CLNK: variants seen among roughly 807,000 people sequenced by gnomAD.
The protein encoded by CLNK is cytokine dependent hematopoietic cell linker.
CLNK carries 74 observed loss-of-function variants against 68.6 expected under a neutral mutation model. The ratio of observed to expected loss-of-function variants is 1.08; its 90% CI spans 0.89 to 1.31. CLNK has a LOEUF of 1.31. Among genes scored for constraint, CLNK ranks in the 50% most tolerant of loss-of-function variants. The probability of loss-of-function intolerance (pLI) is 0.00; values close to 1 mark genes in which losing one functional copy is unlikely to be tolerated. For synonymous variants in CLNK, 198 were observed against 172.2 expected, an observed-to-expected ratio of 1.15 and a Z score of -1.17; for missense variants, 553 against 515.3, an observed-to-expected ratio of 1.07 and a Z score of -0.71.
At chr4:10,543,740 G>A (rs1201302185) in intron 8 of CLNK, among the ~76,000 whole-genome samples, 1 of 152,156 alleles carries the variant, frequency 6.6e-6, no homozygotes, top group Non-Finnish European at 1.5e-5. Flanking sequence ...CAAAGAATAA[G>A]AATAAAATTA....
chr4:10,679,143 G>A (rs967531649), intron 1 of CLNK, among the ~76,000 whole-genome samples: 1 of 152,158 alleles, frequency 6.6e-6, no homozygotes, highest in African/African-American at 2.4e-5. Context: ...AACCAAAACA[G>A]CATGGTACTG....
At chr4:10,582,663 C>G (rs1720825435) in intron 4 of CLNK, among the ~76,000 whole-genome samples, 1 of 151,978 alleles carries the variant, frequency 6.6e-6, no homozygotes, top group Non-Finnish European at 1.5e-5. Context: ...ATGTGTCTGT[C>G]TTCTCCAGGC....
intron 2 of CLNK, among the ~76,000 whole-genome samples, chr4:10,606,838 C>A (rs1057451109): frequency 1.3e-5 from 2 of 152,118 alleles, no homozygotes; most frequent in African/African-American, 2.4e-5. Flanking sequence ...AGAGCTCTGA[C>A]TAATACACAT....
the CLNK span, among the ~76,000 whole-genome samples, chr4:10,696,030 A>G: frequency 2.4e-3 from 369 of 151,912 alleles, 1 homozygote; most frequent in Non-Finnish European, 4.2e-3. Context: ...AAATTTTTGT[A>G]TTTTTAGTAG....
chr4:10,643,834 T>C (rs895491176), intron 2 of CLNK, among the ~76,000 whole-genome samples: 2 of 152,246 alleles, frequency 1.3e-5, no homozygotes, highest in African/African-American at 4.8e-5. Context: ...CTTATGTTCC[T>C]CAATTATTTT....
chr4:10,592,180 C>A (rs1272049842), intron 3 of CLNK, among the ~76,000 whole-genome samples: 1 of 152,138 alleles, frequency 6.6e-6, no homozygotes, highest in African/African-American at 2.4e-5. Flanking sequence ...ATTGTAAAAC[C>A]TTACTTGAGT....
intron 3 of CLNK, among the ~76,000 whole-genome samples, chr4:10,592,459 T>A (rs1721215322): frequency 6.6e-6 from 1 of 151,780 alleles, no homozygotes; most frequent in Non-Finnish European, 1.5e-5. Flanking sequence ...CTCCCCCACT[T>A]CCCCACTTGG....
intron 2 of CLNK, among the ~76,000 whole-genome samples, chr4:10,600,133 C>A (rs1212573811): frequency 6.6e-6 from 1 of 152,142 alleles, no homozygotes; most frequent in Non-Finnish European, 1.5e-5. Flanking sequence ...ACACTGTGGC[C>A]TCTGGGCCCG....
At chr4:10,571,871 T>C (rs1165410055) in intron 4 of CLNK, 93 bp from the exon 5 acceptor site, 2 of 994,866 alleles carry the variant, frequency 2.0e-6, no homozygotes, top group African/African-American at 1.6e-5. Context: ...CAGAAATCTT[T>C]TGTCAGTTTT....
At chr4:10,651,629 AG>A (rs1295391938) in intron 2 of CLNK, among the ~76,000 whole-genome samples, 1 of 152,206 alleles carries the variant, frequency 6.6e-6, no homozygotes, top group African/African-American at 2.4e-5. Context: ...ATATGACCAA[AG>A]ACAAAGAGTA....
At chr4:10,626,079 G>A (rs1722659204) in intron 2 of CLNK, among the ~76,000 whole-genome samples, 1 of 152,240 alleles carries the variant, frequency 6.6e-6, no homozygotes. Flanking sequence ...GGTTGGGGGT[G>A]GTGCTGGCTT....
At position 10,651,059 on chromosome 4, in the gene CLNK, G is replaced by C. The variant is rs182831550; in HGVS notation, c.11+16800C>G. 1.6e-4 allele frequency among the ~76,000 whole-genome samples: 24 copies of C among 152,312 alleles called. No individual in the cohort carries two copies. The East Asian group carries it at 4.4e-3, about 28-fold the overall frequency. ...AAAAAGTCAGGAAAGAACAGATGCT[G>C]AAGAGGATGTGGAGAAATAGGGACG... On this transcript the variant is annotated intron_variant, in intron 2 of 18. Transcript: ENST00000226951.
chr4:10,662,119 C>T (rs1002571989), intron 2 of CLNK, among the ~76,000 whole-genome samples: 5 of 152,106 alleles, frequency 3.3e-5, no homozygotes, highest in Non-Finnish European at 7.4e-5. Flanking sequence ...GGTAGAGTTA[C>T]ATAATGTATG....
At chr4:10,569,702 G>A (rs543110598) in intron 5 of CLNK, among the ~76,000 whole-genome samples, 25 of 152,142 alleles carry the variant, frequency 1.6e-4, no homozygotes, top group Non-Finnish European at 3.4e-4. Flanking sequence ...GTGCTCCTCC[G>A]CATTAAAATC....
chr4:10,661,940 G>A (rs1207117376), intron 2 of CLNK, among the ~76,000 whole-genome samples: 3 of 152,028 alleles, frequency 2.0e-5, no homozygotes, highest in East Asian at 3.8e-4. Context: ...ATACCTCTAC[G>A]AATCTCTCCA....
intron 16 of CLNK, among the ~76,000 whole-genome samples, chr4:10,512,605 A>C (rs1401776865): frequency 1.3e-5 from 2 of 152,098 alleles, no homozygotes; most frequent in East Asian, 1.9e-4. Context: ...AATTAATATG[A>C]ATATAAGGAT....
At chr4:10,576,965 A>AG (rs1720591719) in intron 4 of CLNK, among the ~76,000 whole-genome samples, 1 of 152,332 alleles carries the variant, frequency 6.6e-6, no homozygotes, top group South Asian at 2.1e-4. Context: ...GTGGCTTTGC[A>AG]GGGACAGGGT....
intron 4 of CLNK, among the ~76,000 whole-genome samples, chr4:10,581,711 TG>T (rs1720791326): frequency 4.6e-5 from 7 of 151,958 alleles, no homozygotes; most frequent in Admixed American, 4.6e-4. Context: ...TACCACAAAT[TG>T]GTTGAATGAA....
At chr4:10,648,047 C>T (rs1339036327) in intron 2 of CLNK, among the ~76,000 whole-genome samples, 1 of 152,114 alleles carries the variant, frequency 6.6e-6, no homozygotes, top group East Asian at 1.9e-4. Flanking sequence ...AGGCTGGAAA[C>T]CAGAAAAAAT....
Sources: gnomAD v4.1 joint callset for allele counts (sites outside exome capture counted in the v4.1 genomes callset) on GRCh38, gnomAD v4.1.1 for gene constraint, MANE v1.5 for transcripts, NCBI Gene and HGNC (gene_info 2026-07-23, HGNC 2026-07-21) for gene names.